Variants in LASP1 observed in about 807,000 individuals in gnomAD.
The protein encoded by LASP1 is LIM and SH3 protein 1.
Under a neutral mutation model 38.6 loss-of-function variants are expected in LASP1, and 10 were observed. The ratio of observed to expected loss-of-function variants is 0.26; its 90% CI spans 0.16 to 0.44. LASP1 has a LOEUF of 0.44. LASP1 is among the 20% of genes least tolerant of loss of function. LASP1 has a pLI of 1.00. For synonymous variants in LASP1, 132 were observed against 140.8 expected, an observed-to-expected ratio of 0.94 and a Z score of 0.44; for missense variants, 243 against 375.7, an observed-to-expected ratio of 0.65 and a Z score of 2.92.
chr17:38,876,310 C>T (rs979406996), intron 1 of LASP1, among the ~76,000 whole-genome samples: 1 of 151,402 alleles, frequency 6.6e-6, no homozygotes, highest in African/African-American at 2.4e-5. Context: ...TCCCAAGTAG[C>T]TGGAATTACA....
In LASP1 at chr17:38,920,716, C is replaced by T. The variant is rs1173993621; in HGVS notation, c.*1938C>T. On this transcript the variant is annotated 3_prime_UTR_variant, in exon 7 of 7. Transcript: ENST00000318008. ...CTGTGGGTGGGGAGGCCCTGCCTGACCCATCCCTTTTCCTTTCTGGCCCCA... is the reference window on the plus strand; with the variant it reads ...CTGTGGGTGGGGAGGCCCTGCCTGATCCATCCCTTTTCCTTTCTGGCCCCA... The T allele has an allele frequency of 8.6e-6, 2 of 233,694 alleles. No homozygotes were observed. The highest frequency in any genetic ancestry group is 4.4e-5 in the African/African-American group (2 of 45,340). 14.5% of individuals were successfully genotyped at this position (233,694 alleles called of 1,614,324 possible).
At chr17:38,903,473 C>T (rs1268480856) in intron 4 of LASP1, among the ~76,000 whole-genome samples, 2 of 152,154 alleles carry the variant, frequency 1.3e-5, no homozygotes, top group South Asian at 2.1e-4. Context: ...GGTCCTCTCC[C>T]GTCAACCTCC....
In LASP1 at chr17:38,917,748, C is replaced by T. The variant is rs539188033; in HGVS notation, c.613-857C>T. Among the ~76,000 whole-genome samples the T allele has an allele frequency of 2.0e-5, 3 of 151,798 alleles. No individual in the cohort carries two copies. In the South Asian group the frequency reaches 6.2e-4, roughly 32 times the overall value. On this transcript the variant is annotated intron_variant, in intron 6 of 6. Coordinates refer to ENST00000318008, the MANE Select transcript of LASP1 (RefSeq NM_006148.4). ...CCCAGGCTGGAGTGCAGCAGTGGTG[C>T]AATCACAGCTAGCTCACTGCAGCCT...
intron 2 of LASP1, among the ~76,000 whole-genome samples, chr17:38,888,898 G>A (rs1914221112): frequency 6.6e-6 from 1 of 152,186 alleles, no homozygotes; most frequent in African/African-American, 2.4e-5. Context: ...AGGCTGTGCT[G>A]GGCCTGGAAA....
intron 4 of LASP1, among the ~76,000 whole-genome samples, chr17:38,908,633 A>ACTGATC (rs1417591217): frequency 1.3e-5 from 2 of 152,098 alleles, no homozygotes; most frequent in Admixed American, 1.3e-4. Context: ...GAAAGGAGGG[A>ACTGATC]CTGATCCTGA....
intron 1 of LASP1, among the ~76,000 whole-genome samples, chr17:38,875,086 TGTGA>T (rs1340778794): frequency 0.021 from 3,183 of 149,138 alleles, 115 homozygotes; most frequent in African/African-American, 0.073. Flanking sequence ...TGTGTGTGTG[TGTGA>T]GAAAGTGGGT....
chr17:38,898,179 C>G (rs948638258), intron 3 of LASP1, among the ~76,000 whole-genome samples: 8 of 152,214 alleles, frequency 5.3e-5, no homozygotes, highest in African/African-American at 1.9e-4. Flanking sequence ...ATGTAAGGCC[C>G]TGGACTCTGT....
rs558973871 is a variant in LASP1, at chr17:38,921,556, G to A, written c.*2778G>A. 25 of 232,884 alleles carry A rather than the reference G, an allele frequency of 1.1e-4. No individual in the cohort carries two copies. Among genetic ancestry groups the A allele is most frequent in the Non-Finnish European group, 2.0e-4 (23 of 117,702 alleles). 14.4% of individuals were successfully genotyped at this position (232,884 alleles called of 1,614,324 possible). ...TTGCCTCTGTCCAAACATTTCATCC[G>A]TGTGTATGTGTATGTGTGTGAGTGT... On this transcript the variant is annotated 3_prime_UTR_variant, in exon 7 of 7. Coordinates refer to ENST00000318008, the MANE Select transcript of LASP1 (RefSeq NM_006148.4).
At chr17:38,885,042 C>G (rs1277089205) in intron 2 of LASP1, among the ~76,000 whole-genome samples, 7 of 152,062 alleles carry the variant, frequency 4.6e-5, no homozygotes, top group Non-Finnish European at 1.5e-5. Flanking sequence ...GCTGAGAGGC[C>G]CCAGAATATC....
intron 4 of LASP1, among the ~76,000 whole-genome samples, chr17:38,913,839 T>A (rs71383369): frequency 0.7 from 105,494 of 151,438 alleles, 37,682 homozygotes; most frequent in African/African-American, 0.87. Context: ...CTGTCTCTAT[T>A]AAAATACAAA....
At chr17:38,914,683 C>G (rs749143503) in intron 5 of LASP1, among the ~76,000 whole-genome samples, 11 of 46,736 alleles carry the variant, frequency 2.4e-4, no homozygotes, top group East Asian at 1.5e-3. Context: ...GACAGACACA[C>G]ACACACACAC....
Position 38,914,387 on chromosome 17 carries a change from G to C in LASP1, c.420G>C (p.Glu140Asp). 6.2e-7 allele frequency: 1 copy of C among 1,612,276 alleles called. No individual in the cohort carries two copies. The highest frequency in any genetic ancestry group is 1.1e-5 in the South Asian group (1 of 91,004). ...RMGPSGGEGM[E>D]PERRDSQDGS... ...GCCCTAGCGGGGGCGAGGGCATGGA[G>C]CCAGAGCGTCGGGATTCACAGGACG... Residue 140 changes from glutamate (E) to aspartate (D), a missense_variant, in exon 5 of 7, where the codon GAG becomes GAC. Coordinates refer to ENST00000318008, the MANE Select transcript of LASP1 (RefSeq NM_006148.4).
chr17:38,888,279 C>T (rs900486457), intron 2 of LASP1, among the ~76,000 whole-genome samples: 10 of 150,552 alleles, frequency 6.6e-5, no homozygotes, highest in Admixed American at 5.3e-4. Context: ...CAATTCCTGG[C>T]GTGACTTTTT....
At chr17:38,900,197 C>CAAAAAAAAAAAAAAAAAAAAAAAAAAAA (rs56008544) in intron 4 of LASP1, among the ~76,000 whole-genome samples, 1 of 67,584 alleles carries the variant, frequency 1.5e-5, no homozygotes, top group African/African-American at 6.8e-5. Context: ...ACTGTTTCTA[C>CAAAAAAAAAAAAAAAAAAAAAAAAAAAA]AAAAAAAAAA....
At chr17:38,898,736 G>A (rs1237395854) in intron 4 of LASP1, 2 of 620,374 alleles carry the variant, frequency 3.2e-6, no homozygotes, top group East Asian at 6.4e-5. Flanking sequence ...CTTCTTGAAG[G>A]GACTGTATTC....
intron 2 of LASP1, among the ~76,000 whole-genome samples, chr17:38,879,232 T>C (rs1185057253): frequency 6.7e-6 from 1 of 148,612 alleles, no homozygotes; most frequent in Non-Finnish European, 1.5e-5. Flanking sequence ...CTTGGCTCAC[T>C]GCAACCTCCG....
At chr17:38,912,754 G>A (rs1011262051) in intron 4 of LASP1, among the ~76,000 whole-genome samples, 4 of 152,174 alleles carry the variant, frequency 2.6e-5, no homozygotes, top group Admixed American at 6.5e-5. Flanking sequence ...CGGTGTTCTC[G>A]TCCCACCATG....
chr17:38,918,836 C>T lies in LASP1; in HGVS notation c.*58C>T, dbSNP rs751037359. 2.7e-5 allele frequency: 42 copies of T among 1,568,592 alleles called. No homozygotes were observed. The African/African-American group carries it at 3.6e-4, about 14-fold the overall frequency. The stretch of plus-strand genomic sequence containing the variant: ...TCCACGGCATCGCATCCGTCCTGGG[C>T]GTGACCCGTCCATTCTTCAGTGTCT... On this transcript the variant is annotated 3_prime_UTR_variant, in exon 7 of 7. Coordinates refer to ENST00000318008, the MANE Select transcript of LASP1 (RefSeq NM_006148.4). The surrounding 1 kb of genome is among the most constrained non-coding windows in gnomAD (Gnocchi z 4.4).
At position 38,918,851 on chromosome 17, in the gene LASP1, C is replaced by T. The variant is rs1337266311; in HGVS notation, c.*73C>T. The T allele has an allele frequency of 2.0e-6, 3 of 1,509,040 alleles. No individual in the cohort carries two copies. In the African/African-American group the frequency reaches 4.1e-5, roughly 21 times the overall value. 93.5% of individuals were successfully genotyped at this position (1,509,040 alleles called of 1,614,324 possible). ...CCGTCCTGGGCGTGACCCGTCCATT[C>T]TTCAGTGTCTCTGTTTTTTAAAACC... On this transcript the variant is annotated 3_prime_UTR_variant, in exon 7 of 7. Coordinates refer to ENST00000318008, the MANE Select transcript of LASP1 (RefSeq NM_006148.4). The surrounding 1 kb of genome is among the most constrained non-coding windows in gnomAD (Gnocchi z 4.4).
Sources: gnomAD v4.1 joint callset for allele counts (sites outside exome capture counted in the v4.1 genomes callset) on GRCh38, gnomAD v4.1.1 for gene constraint, Gnocchi (gnomAD v3.1) non-coding constraint, MANE v1.5 for transcripts, NCBI Gene and HGNC (gene_info 2026-07-23, HGNC 2026-07-21) for gene names.